Variants in GRID2 observed in about 807,000 individuals in gnomAD.
GRID2 encodes glutamate receptor ionotropic, delta-2.
In GRID2, 33 loss-of-function variants were observed where a neutral mutation model predicts 114.8. The ratio of observed to expected loss-of-function variants is 0.29; its 90% CI spans 0.22 to 0.38. The LOEUF (loss-of-function observed/expected upper bound fraction) is 0.38. GRID2 is among the 10% of genes least tolerant of loss of function. GRID2 has a pLI of 1.00. For missense variants in GRID2, 1,184 were observed against 1,257.7 expected, an observed-to-expected ratio of 0.94 and a Z score of 0.89; for synonymous variants, 505 against 449.9, an observed-to-expected ratio of 1.12 and a Z score of -1.55.
At chr4:93,431,034 C>T (rs1769360097) in intron 10 of GRID2, among the ~76,000 whole-genome samples, 2 of 151,986 alleles carry the variant, frequency 1.3e-5, no homozygotes, top group Non-Finnish European at 2.9e-5. Context: ...GAATGAAAGA[C>T]AGGAAATCAG....
At position 93,449,504 on chromosome 4, in the gene GRID2, A is replaced by G. The variant is rs559073133; in HGVS notation, c.1546-6158A>G. On this transcript the variant is annotated intron_variant, in intron 10 of 15. Coordinates refer to ENST00000282020, the MANE Select transcript of GRID2 (RefSeq NM_001510.4). ...GGATTATTAATCAGATGTGTTTTAG[A>G]TGATTAAAATAGCAGTTCATGTTTT... is the stretch of plus-strand genomic sequence containing the variant. 3.3e-5 allele frequency among the ~76,000 whole-genome samples: 5 copies of G among 152,204 alleles called. No individual in the cohort carries two copies. In the South Asian group the frequency reaches 1.0e-3, roughly 32 times the overall value.
intron 2 of GRID2, among the ~76,000 whole-genome samples, chr4:92,975,215 G>A (rs1753793845): frequency 6.9e-6 from 1 of 144,434 alleles, no homozygotes; most frequent in Admixed American, 7.3e-5. Context: ...TTATATATGT[G>A]CATATATATA....
chr4:92,786,835 T>C (rs1323068605), intron 2 of GRID2, among the ~76,000 whole-genome samples: 1 of 151,896 alleles, frequency 6.6e-6, no homozygotes, highest in African/African-American at 2.4e-5. Context: ...AGTTCCCATC[T>C]TTCATACCAA....
intron 1 of GRID2, among the ~76,000 whole-genome samples, chr4:92,550,351 T>C (rs1034892024): frequency 1.3e-5 from 2 of 152,178 alleles, no homozygotes; most frequent in Non-Finnish European, 2.9e-5. Context: ...GTAATACATA[T>C]TTAGTTTATA....
At chr4:92,752,648 T>C (rs768367716) in intron 2 of GRID2, among the ~76,000 whole-genome samples, 2 of 152,212 alleles carry the variant, frequency 1.3e-5, no homozygotes. Flanking sequence ...CTCTGATAAA[T>C]AGTACAGATC....
intron 1 of GRID2, among the ~76,000 whole-genome samples, chr4:92,434,804 C>T (rs867870300): frequency 6.6e-6 from 1 of 152,020 alleles, no homozygotes; most frequent in African/African-American, 2.4e-5. Context: ...TGATAGGTCT[C>T]TCTGAAGTCA....
intron 2 of GRID2, among the ~76,000 whole-genome samples, chr4:93,058,852 A>C (rs1727511182): frequency 6.6e-6 from 1 of 152,054 alleles, no homozygotes; most frequent in Non-Finnish European, 1.5e-5. Flanking sequence ...CAGTAAATTT[A>C]ATGCAATTTC....
intron 8 of GRID2, among the ~76,000 whole-genome samples, chr4:93,390,863 G>C (rs1245690054): frequency 3.3e-5 from 5 of 151,846 alleles, no homozygotes. Flanking sequence ...ATATGTGTGT[G>C]TATATATATG....
chr4:92,701,574 G>A (rs1734678107), intron 2 of GRID2, among the ~76,000 whole-genome samples: 1 of 152,030 alleles, frequency 6.6e-6, no homozygotes, highest in Non-Finnish European at 1.5e-5. Context: ...ACTTTTATTT[G>A]TTTTAAAAGT....
intron 8 of GRID2, among the ~76,000 whole-genome samples, chr4:93,388,775 A>G (rs1764571037): frequency 6.6e-6 from 1 of 152,226 alleles, no homozygotes; most frequent in Admixed American, 6.5e-5. Context: ...GGAACGAGTT[A>G]AATAGATTCA....
At chr4:93,477,495 C>G (rs1725431419) in intron 11 of GRID2, among the ~76,000 whole-genome samples, 1 of 152,060 alleles carries the variant, frequency 6.6e-6, no homozygotes, top group Admixed American at 6.6e-5. Flanking sequence ...GCCTTTCGAC[C>G]AAAACATTCA....
At chr4:92,828,757 CTTTT>C (rs920483732) in intron 2 of GRID2, among the ~76,000 whole-genome samples, 2 of 151,958 alleles carry the variant, frequency 1.3e-5, no homozygotes, top group African/African-American at 4.8e-5. Context: ...AATTTGCTAG[CTTTT>C]TTTATGCTCT....
intron 1 of GRID2, among the ~76,000 whole-genome samples, chr4:92,403,472 C>T (rs140265919): frequency 2.5e-3 from 381 of 151,788 alleles, no homozygotes; most frequent in Non-Finnish European, 3.3e-3. Flanking sequence ...CTGAAGCAGG[C>T]GGATTATGAG....
chr4:93,585,067 C>A (rs752225505), intron 13 of GRID2, among the ~76,000 whole-genome samples: 1 of 152,070 alleles, frequency 6.6e-6, no homozygotes, highest in South Asian at 2.1e-4. Context: ...AGTCAACAAG[C>A]AAAATACCTT....
At chr4:92,436,871 A>G (rs1732759908) in intron 1 of GRID2, among the ~76,000 whole-genome samples, 1 of 152,178 alleles carries the variant, frequency 6.6e-6, no homozygotes, top group African/African-American at 2.4e-5. Context: ...TAAGTGGCAT[A>G]TTTATTTAAA....
intron 1 of GRID2, among the ~76,000 whole-genome samples, chr4:92,504,451 T>C (rs759290788): frequency 1.3e-5 from 2 of 152,016 alleles, no homozygotes; most frequent in Non-Finnish European, 2.9e-5. Flanking sequence ...TACAGACTCT[T>C]TGCAGGAATA....
At chr4:93,564,612 G>A (rs7686064) in intron 13 of GRID2, among the ~76,000 whole-genome samples, 3,291 of 152,124 alleles carry the variant, frequency 0.022, 99 homozygotes, top group African/African-American at 0.074. Flanking sequence ...AATAATGAGT[G>A]TACATTTTGG....
At chr4:92,947,326 T>G (rs1293565334) in intron 2 of GRID2, among the ~76,000 whole-genome samples, 1 of 152,050 alleles carries the variant, frequency 6.6e-6, no homozygotes, top group Non-Finnish European at 1.5e-5. Context: ...TATGTGCTAA[T>G]ATGAAAGAAA....
intron 1 of GRID2, among the ~76,000 whole-genome samples, chr4:92,583,722 C>T (rs1230656787): frequency 6.7e-6 from 1 of 149,612 alleles, no homozygotes; most frequent in Non-Finnish European, 1.5e-5. Flanking sequence ...TAAACACACG[C>T]ACAAATAAGC....
Sources: allele counts gnomAD v4.1 joint callset (sites outside exome capture counted in the v4.1 genomes callset), GRCh38; gene constraint gnomAD v4.1.1; transcripts MANE v1.5; gene names NCBI Gene and HGNC (gene_info 2026-07-23, HGNC 2026-07-21).